MYOM2: variants seen among roughly 807,000 people sequenced by gnomAD.
MYOM2 encodes the protein myomesin 2.
MYOM2 carries 254 observed loss-of-function variants against 187.6 expected under a neutral mutation model. The observed-to-expected ratio is 1.35, with a 90% CI of 1.22 to 1.50. The LOEUF (loss-of-function observed/expected upper bound fraction) is 1.50, where lower values mean the gene tolerates loss of function less well. MYOM2 is among the 40% of genes most tolerant of loss of function. The pLI, the probability that MYOM2 is intolerant of heterozygous loss-of-function variation, is 0.00. For missense variants in MYOM2, 2,796 were observed against 1,924.0 expected (o/e 1.45, Z -8.48); for synonymous variants, 981 against 753.8 (o/e 1.30, Z -4.94).
At chr8:2,132,802 C>T (rs137864578) in intron 32 of MYOM2, among the ~76,000 whole-genome samples, 3 of 152,314 alleles carry the variant, frequency 2.0e-5, no homozygotes, top group African/African-American at 4.8e-5. Flanking sequence ...AGATTTCACA[C>T]GCAGAGTCTG....
chr8:2,049,691 C>T (rs945777898), intron 1 of MYOM2, among the ~76,000 whole-genome samples: 11 of 152,110 alleles, frequency 7.2e-5, no homozygotes, highest in African/African-American at 2.7e-4. Context: ...GGTTGTGAGT[C>T]CTTTTGCACC....
rs960229135 is a variant in MYOM2 at position 2,076,562 on chromosome 8, C to T, written c.1262+280C>T. The T allele has an allele frequency of 1.2e-5, 5 of 418,464 alleles. No individual in the cohort carries two copies. The South Asian group carries it at 1.6e-4, about 13-fold the overall frequency. The allele number at this position is 418,464 out of a possible 1,614,324, so 25.9% of individuals were successfully genotyped here. A position where few individuals can be genotyped will look rare whatever the true frequency, so the allele number is the denominator to read the frequency against. ...AACCAATCCCACCAACGTCTTCAGG[C>T]TCACTCTGAGCCCCGCGCTGTGGTT... is the stretch of plus-strand genomic sequence containing the variant. On this transcript the variant is annotated intron_variant, in intron 11 of 36. Coordinates refer to ENST00000262113, the MANE Select transcript of MYOM2 (RefSeq NM_003970.4).
At position 2,072,464 on chromosome 8, in the gene MYOM2, C is replaced by T. The variant is rs746844303; in HGVS notation, c.913C>T (p.Pro305Ser). 1.2e-6 allele frequency: 2 copies of T among 1,613,928 alleles called. No homozygotes were observed. Among genetic ancestry groups the T allele is most frequent in the African/African-American group, 2.7e-5 (2 of 74,944 alleles). Residue 305 changes from proline (P) to serine (S), a missense_variant, in exon 9 of 37, where the codon CCG (proline) becomes TCG (serine). Coordinates refer to ENST00000262113, the MANE Select transcript of MYOM2 (RefSeq NM_003970.4). ...TCTCAAGTGCACCATGCTGGTGACG[C>T]CGGACCTGAAGCGGGTGCAGCCGCG... ...VTLKCTMLVTPDLKRVQPRAE... is the reference protein window; with the variant it reads ...VTLKCTMLVTSDLKRVQPRAE...
At chr8:2,134,122 C>G (rs919430738) in intron 32 of MYOM2, among the ~76,000 whole-genome samples, 2 of 151,926 alleles carry the variant, frequency 1.3e-5, no homozygotes, top group African/African-American at 4.8e-5. Flanking sequence ...CTGCTACAGA[C>G]CAATTCAGAT....
chr8:2,139,394 G>A (rs76293427), intron 32 of MYOM2, among the ~76,000 whole-genome samples: 2,181 of 152,182 alleles, frequency 0.014, 38 homozygotes, highest in East Asian at 0.045. Context: ...TCTTGCCTTC[G>A]CTTCCCAAAG....
In MYOM2 at chr8:2,045,151, A is replaced by G. The variant is rs1818272028; in HGVS notation, c.-30A>G. 1 of 152,248 alleles carries G rather than the reference A, an allele frequency of 6.6e-6. No individual in the cohort carries two copies. The highest frequency in any genetic ancestry group is 2.1e-4 in the South Asian group (1 of 4,818). The allele number at this position is 152,248 out of a possible 1,614,324, so 9.4% of individuals were successfully genotyped here. On this transcript the variant is annotated 5_prime_UTR_variant, in exon 1 of 37. Coordinates refer to ENST00000262113, the MANE Select transcript of MYOM2 (RefSeq NM_003970.4). The stretch of plus-strand genomic sequence containing the variant: ...TCAGGAATTCTCTCTCCTCCTTGCA[A>G]TTTTCCTTTCTGTCTGGGTAAGTGT...
intron 27 of MYOM2, 132 bp from the exon 28 acceptor site, chr8:2,117,753 T>C (rs1797296043): frequency 1.9e-6 from 1 of 527,160 alleles, no homozygotes; most frequent in Admixed American, 3.7e-5. Context: ...TACATAAATA[T>C]ATATAATACA....
Position 2,098,739 on chromosome 8 carries a change from C to G in MYOM2, c.2314-118C>G. ...TCCTGAAATATTTGGTCCAATTTCC[C>G]GACAAGGTTCCTTCCTCTCATATTT... On this transcript the variant is annotated intron_variant, in intron 18 of 36. Coordinates refer to ENST00000262113, the MANE Select transcript of MYOM2 (RefSeq NM_003970.4). 4.2e-6 allele frequency: 5 copies of G among 1,177,360 alleles called. No individual in the cohort carries two copies. In the South Asian group the frequency reaches 5.4e-5, roughly 13 times the overall value. 72.9% of individuals were successfully genotyped at this position (1,177,360 alleles called of 1,614,324 possible). A position where few individuals can be genotyped will look rare whatever the true frequency, so the allele number is the denominator to read the frequency against.
chr8:2,138,737 T>A (rs2116913671), intron 32 of MYOM2, among the ~76,000 whole-genome samples: 1 of 148,578 alleles, frequency 6.7e-6, no homozygotes, highest in Middle Eastern at 3.5e-3. Context: ...CAGTAGATGT[T>A]GAGCATGTCT....
intron 27 of MYOM2, 105 bp downstream of exon 27, chr8:2,116,380 G>A (rs1797246348): frequency 2.7e-6 from 3 of 1,131,486 alleles, no homozygotes; most frequent in East Asian, 2.6e-5. Flanking sequence ...CAACCCTAAA[G>A]GCTGTTTTAA....
chr8:2,130,025 C>G (rs1174957178), intron 32 of MYOM2, among the ~76,000 whole-genome samples: 1 of 151,988 alleles, frequency 6.6e-6, no homozygotes, highest in Non-Finnish European at 1.5e-5. Flanking sequence ...CGTGTTCAGG[C>G]CAATTATTTG....
At chr8:2,062,648 G>A (rs1223916700) in intron 6 of MYOM2, among the ~76,000 whole-genome samples, 1 of 152,230 alleles carries the variant, frequency 6.6e-6, no homozygotes, top group Non-Finnish European at 1.5e-5. Flanking sequence ...TCCGAAAGTT[G>A]TGGGAGTTTT....
chr8:2,123,510 T>G (rs1232855694), intron 29 of MYOM2, 45 bp from the exon 30 acceptor site: 1 of 1,544,110 alleles, frequency 6.5e-7, no homozygotes, highest in African/African-American at 1.4e-5. Flanking sequence ...TTTCTAAGAT[T>G]GCAGTATTGA....
intron 27 of MYOM2, among the ~76,000 whole-genome samples, chr8:2,117,526 C>T (rs970993525): frequency 1.3e-5 from 2 of 152,160 alleles, no homozygotes; most frequent in African/African-American, 4.8e-5. Flanking sequence ...TTCAGTTAGA[C>T]ATATACTTTG....
chr8:2,077,411 A>G lies in MYOM2; in HGVS notation c.1262+1129A>G, dbSNP rs572505767. On this transcript the variant is annotated intron_variant, in intron 11 of 36. Transcript: ENST00000262113. Reference sequence around the variant, plus strand: ...AAATTTTATATGTATATTAAACAGAAAAATAAGGTGATTATCTTAGGAAAA... The same window carrying G: ...AAATTTTATATGTATATTAAACAGAGAAATAAGGTGATTATCTTAGGAAAA... Among the ~76,000 whole-genome samples the G allele has an allele frequency of 4.6e-5, 7 of 152,334 alleles. No individual in the cohort carries two copies. The East Asian group carries it at 1.4e-3, about 29-fold the overall frequency.
chr8:2,076,959 G>A (rs1283991274), intron 11 of MYOM2, among the ~76,000 whole-genome samples: 1 of 152,232 alleles, frequency 6.6e-6, no homozygotes, highest in Non-Finnish European at 1.5e-5. Context: ...ACAAATTCCA[G>A]TTCTTGGAGT....
At position 2,106,348 on chromosome 8, in the gene MYOM2, C is replaced by A. The variant is rs146758026; in HGVS notation, c.2841C>A (p.Tyr947Ter). ...CTCAGTTCACCTGGTGTAAATCCTACGAGGAGATTTCAGATGATGAGAGGT... is the reference window on the plus strand; with the variant it reads ...CTCAGTTCACCTGGTGTAAATCCTAAGAGGAGATTTCAGATGATGAGAGGT... ...DASQFTWCKS[Y>*]EEISDDERFK... The change falls in exon 22 of 37, where the codon TAC (tyrosine) becomes TAA (stop). Residue 947 changes from tyrosine to a stop codon, truncating the protein, a stop_gained. Coordinates refer to ENST00000262113, the MANE Select transcript of MYOM2 (RefSeq NM_003970.4). LOFTEE classifies it high-confidence loss of function. 2 of 1,614,114 alleles carry A rather than the reference C, an allele frequency of 1.2e-6. No individual in the cohort carries two copies. The highest frequency in any genetic ancestry group is 2.2e-5 in the East Asian group (1 of 44,884).
chr8:2,066,046 C>A (rs1387494815), intron 6 of MYOM2, among the ~76,000 whole-genome samples: 1 of 152,184 alleles, frequency 6.6e-6, no homozygotes, highest in African/African-American at 2.4e-5. Flanking sequence ...CCCACACTCC[C>A]GCTCCTCGAG....
At position 2,109,533 on chromosome 8, in the gene MYOM2, T is replaced by C. The variant is rs754346382; in HGVS notation, c.3180+2T>C. ...GACAGAGAAGTCTCTGACAGCGAGG[T>C]GAGTTCCTGTGTGAGTGATCTCTGG... is the stretch of plus-strand genomic sequence containing the variant. On this transcript the variant is annotated splice_donor_variant, in intron 25 of 36. Coordinates refer to ENST00000262113, the MANE Select transcript of MYOM2 (RefSeq NM_003970.4). LOFTEE classifies it high-confidence loss of function. 1.2e-5 allele frequency: 19 copies of C among 1,606,290 alleles called. No homozygotes were observed. In the South Asian group the frequency reaches 2.1e-4, roughly 18 times the overall value.
Sources: allele counts gnomAD v4.1 joint callset (sites outside exome capture counted in the v4.1 genomes callset), GRCh38; gene constraint gnomAD v4.1.1; transcripts MANE v1.5; gene names NCBI Gene and HGNC (gene_info 2026-07-23, HGNC 2026-07-21).